ZFC3H1: variants seen among roughly 807,000 people sequenced by gnomAD.
ZFC3H1 encodes the protein zinc finger C3H1-type containing.
Under a neutral mutation model 243.7 loss-of-function variants are expected in ZFC3H1, and 71 were observed. The ratio of observed to expected loss-of-function variants is 0.29; its 90% confidence interval spans 0.24 to 0.36. ZFC3H1 has a LOEUF of 0.36. Among genes scored for constraint, ZFC3H1 ranks in the 10% least tolerant of loss-of-function variants. The probability of loss-of-function intolerance (pLI) is 1.00; values close to 1 mark genes in which losing one functional copy is unlikely to be tolerated. For missense variants in ZFC3H1, 1,966 were observed against 2,317.1 expected (o/e 0.85, Z 3.11); for synonymous variants, 838 against 813.0 (o/e 1.03, Z -0.52).
Position 71,628,925 on chromosome 12 carries a change from A to AAC in ZFC3H1, c.3938_3939insGT (p.Ile1313MetfsTer12). The AAC allele has an allele frequency of 6.3e-7, 1 of 1,591,726 alleles. No homozygotes were observed. Among genetic ancestry groups the AAC allele is most frequent in the Non-Finnish European group, 8.5e-7 (1 of 1,172,928 alleles). ...AATTACATAACTTCTTACCATACTT[A>AAC]ATTGGTCCTGTAGACTGTTCCTCAT... On this transcript the variant is annotated frameshift_variant, in exon 20 of 35. Coordinates refer to ENST00000378743, the MANE Select transcript of ZFC3H1 (RefSeq NM_144982.5). LOFTEE classifies it high-confidence loss of function.
At position 71,613,452 on chromosome 12, in the gene ZFC3H1, G is replaced by A. The variant is rs767685449; in HGVS notation, c.5527-17C>T. ...GAAAATAACCTGTAAAGGTTGAGGG[G>A]GGCGAAAAATGAATGCAACCAAAAT... On this transcript the variant is annotated splice_polypyrimidine_tract_variant and intron_variant, in intron 30 of 34. Transcript: ENST00000378743. 6 of 1,550,274 alleles carry A rather than the reference G, an allele frequency of 3.9e-6. No individual in the cohort carries two copies. Among genetic ancestry groups the A allele is most frequent in the Non-Finnish European group, 5.3e-6 (6 of 1,142,204 alleles).
chr12:71,622,222 C>G lies in ZFC3H1; in HGVS notation c.4744+1138G>C, dbSNP rs141731641. ...TCCTTCACAGGGTATTTAATAAGCA[C>G]TTAATAATTTGCCAGACATCCTTAC... On this transcript the variant is annotated intron_variant, in intron 24 of 34. Coordinates refer to ENST00000378743, the MANE Select transcript of ZFC3H1 (RefSeq NM_144982.5). Among the ~76,000 whole-genome samples the G allele has an allele frequency of 1.7e-3, 264 of 152,248 alleles. 2 individuals carry two copies. The highest frequency in any genetic ancestry group is 0.014 in the Middle Eastern group (4 of 294).
In ZFC3H1 at chr12:71,614,874, C is replaced by A. The variant is rs369111342; in HGVS notation, c.5320G>T (p.Val1774Leu). Residue 1774 changes from valine (V) to leucine (L), a missense_variant, in exon 29 of 35, where the codon GTG becomes TTG. Physicochemically the swap from Val to Leu is conservative, Grantham distance 32. Transcript: ENST00000378743. ...TGTACTATATCACATCTCATAGCCA[C>A]CCCTAATGCTGCCTCATATGCCTCC... is the stretch of plus-strand genomic sequence containing the variant. ...TVEAYEAALGVAMRCDIVQKI... is the reference protein window; with the variant it reads ...TVEAYEAALGLAMRCDIVQKI... The A allele has an allele frequency of 6.2e-7, 1 of 1,613,758 alleles. No individual in the cohort carries two copies. Among genetic ancestry groups the A allele is most frequent in the Admixed American group, 1.7e-5 (1 of 59,996 alleles).
chr12:71,656,188 T>C (rs974842447), intron 2 of ZFC3H1, among the ~76,000 whole-genome samples: 1 of 152,160 alleles, frequency 6.6e-6, no homozygotes, highest in Non-Finnish European at 1.5e-5. Context: ...GAATTCTGTA[T>C]CTTAATGGTA....
At chr12:71,640,329 G>GT (rs370440513) in intron 6 of ZFC3H1, among the ~76,000 whole-genome samples, 39 of 152,296 alleles carry the variant, frequency 2.6e-4, no homozygotes, top group South Asian at 8.3e-4. Flanking sequence ...AGCCATTCTT[G>GT]TTTTTTAACA....
chr12:71,660,814 G>C (rs1412868213), intron 1 of ZFC3H1, among the ~76,000 whole-genome samples: 2 of 151,622 alleles, frequency 1.3e-5, no homozygotes, highest in African/African-American at 4.8e-5. Flanking sequence ...TTTCATCTTT[G>C]TACCTTTAAA....
chr12:71,614,509 T>C (rs1219891917), intron 30 of ZFC3H1, 26 bp downstream of exon 30: 1 of 1,538,238 alleles, frequency 6.5e-7, no homozygotes, highest in African/African-American at 1.4e-5. Context: ...CACAAATATC[T>C]AAAGAAAAAA....
chr12:71,624,635 G>C (rs1245460564), intron 22 of ZFC3H1, among the ~76,000 whole-genome samples: 2 of 152,168 alleles, frequency 1.3e-5, no homozygotes, highest in Admixed American at 1.3e-4. Context: ...CATACAATTT[G>C]TGTTGCTTAG....
Position 71,620,205 on chromosome 12 carries a change from T to C in ZFC3H1, c.4850+5A>G, listed in dbSNP as rs1879991396. 2 of 1,614,022 alleles carry C rather than the reference T, an allele frequency of 1.2e-6. No homozygotes were observed. Among genetic ancestry groups the C allele is most frequent in the Non-Finnish European group, 1.7e-6 (2 of 1,180,024 alleles). On this transcript the variant is annotated splice_donor_5th_base_variant and intron_variant, in intron 25 of 34. Transcript: ENST00000378743. Reference sequence around the variant, plus strand: ...AAGGTTAGCTGCTTGGCAATTAAGTTGTACCTCTCCAGGAGTTGGTGCAGA... The same window carrying C: ...AAGGTTAGCTGCTTGGCAATTAAGTCGTACCTCTCCAGGAGTTGGTGCAGA...
intron 2 of ZFC3H1, 70 bp from the exon 3 acceptor site, chr12:71,647,883 A>G (rs549372661): frequency 5.1e-6 from 3 of 584,392 alleles, no homozygotes; most frequent in Admixed American, 4.0e-5. Context: ...ATAATCCTAT[A>G]TAATATCTGG....
At chr12:71,651,502 T>A (rs768427675) in intron 2 of ZFC3H1, among the ~76,000 whole-genome samples, 1 of 152,180 alleles carries the variant, frequency 6.6e-6, no homozygotes, top group Admixed American at 6.5e-5. Context: ...GAGCCTGGAA[T>A]AAAGTGCTCA....
rs375507585 is a variant in ZFC3H1 at position 71,662,996 on chromosome 12, C to T, written c.598+17G>A. 7 of 1,572,644 alleles carry T rather than the reference C, an allele frequency of 4.5e-6. No homozygotes were observed. Among genetic ancestry groups the T allele is most frequent in the Non-Finnish European group, 4.3e-6 (5 of 1,160,256 alleles). On this transcript the variant is annotated intron_variant, in intron 1 of 34. Coordinates refer to ENST00000378743, the MANE Select transcript of ZFC3H1 (RefSeq NM_144982.5). ...CTTTAGTGACACACCCAGCGCCGAC[C>T]GCCACGTTAAGGATACAGCTCTTCC...
chr12:71,645,192 C>G lies in ZFC3H1; in HGVS notation c.1081-117G>C, dbSNP rs1162841467. On this transcript the variant is annotated intron_variant, in intron 3 of 34. Transcript: ENST00000378743. The stretch of plus-strand genomic sequence containing the variant: ...AAGTGTGAAGGCAAATATGACAAGG[C>G]AAATACAGATAAAATAAGTAAACTA... 5.7e-6 allele frequency: 5 copies of G among 883,580 alleles called. No homozygotes were observed. The East Asian group carries it at 1.3e-4, about 24-fold the overall frequency. 54.7% of individuals were successfully genotyped at this position (883,580 alleles called of 1,614,324 possible). A position where few individuals can be genotyped will look rare whatever the true frequency, so the allele number is the denominator to read the frequency against.
At position 71,610,370 on chromosome 12, in the gene ZFC3H1, A is replaced by C; in HGVS notation, c.*58T>G. The C allele has an allele frequency of 6.3e-7, 1 of 1,575,978 alleles. No homozygotes were observed. The highest frequency in any genetic ancestry group is 8.6e-7 in the Non-Finnish European group (1 of 1,159,604). Reference sequence around the variant, plus strand: ...CCAGGGATCAGCCTAATCTTGAAGAATCATTCAAATAATTTTGGCAATTAT... The same window carrying C: ...CCAGGGATCAGCCTAATCTTGAAGACTCATTCAAATAATTTTGGCAATTAT... On this transcript the variant is annotated 3_prime_UTR_variant, in exon 35 of 35. Transcript: ENST00000378743.
intron 1 of ZFC3H1, among the ~76,000 whole-genome samples, chr12:71,662,114 G>A (rs1881194024): frequency 6.6e-6 from 1 of 152,210 alleles, no homozygotes; most frequent in Non-Finnish European, 1.5e-5. Flanking sequence ...TCAAGATAGT[G>A]TTTTACAAAC....
chr12:71,631,904 T>C lies in ZFC3H1; in HGVS notation c.3361-17A>G. On this transcript the variant is annotated splice_polypyrimidine_tract_variant and intron_variant, in intron 15 of 34. Coordinates refer to ENST00000378743, the MANE Select transcript of ZFC3H1 (RefSeq NM_144982.5). ...AGAAATCTCCTGCAAAAGAAAATAA[T>C]AATTCTGTAAGGCAAATAAGGCTGG... 6.2e-7 allele frequency: 1 copy of C among 1,608,704 alleles called. No individual in the cohort carries two copies. The highest frequency in any genetic ancestry group is 8.5e-7 in the Non-Finnish European group (1 of 1,178,466).
Position 71,626,209 on chromosome 12 carries a change from T to TACACACACACAC in ZFC3H1, c.4317+39_4317+50dup, listed in dbSNP as rs55719302. On this transcript the variant is annotated intron_variant, in intron 22 of 34. Transcript: ENST00000378743. ...ATTTTTAAGATGATCCAAATAATTA[T>TACACACACACAC]ACACACACACACACACACACACACA... 1.3e-3 allele frequency: 1,436 copies of TACACACACACAC among 1,089,488 alleles called. 11 individuals carry two copies. In the African/African-American group the frequency reaches 0.019, roughly 14 times the overall value. 67.5% of individuals were successfully genotyped at this position (1,089,488 alleles called of 1,614,324 possible).
chr12:71,627,856 T>A lies in ZFC3H1; in HGVS notation c.4025A>T (p.Asn1342Ile). Residue 1342 changes from asparagine (N) to isoleucine (I), a missense_variant, in exon 21 of 35, where the codon AAT becomes ATT. By Grantham distance (149) the Asn-to-Ile change is moderately radical. This residue lies in a region of ZFC3H1 where 1,383 missense variants were observed against 1,723.7 expected (regional missense o/e 0.80). Coordinates refer to ENST00000378743, the MANE Select transcript of ZFC3H1 (RefSeq NM_144982.5). Reference sequence around the variant, plus strand: ...TAAATTAGCGATGTCATCAGTCTCATTTGTAAAGTATCTGACATCATCTGG... The same window carrying A: ...TAAATTAGCGATGTCATCAGTCTCAATTGTAAAGTATCTGACATCATCTGG... ...VTPDDVRYFT[N>I]ETDDIANLEA... The A allele has an allele frequency of 6.2e-7, 1 of 1,613,900 alleles. No individual in the cohort carries two copies. The highest frequency in any genetic ancestry group is 8.5e-7 in the Non-Finnish European group (1 of 1,179,902).
chr12:71,644,911 T>C lies in ZFC3H1; in HGVS notation c.1245A>G (p.Thr415=), dbSNP rs1225721731. Residue 415 remains threonine (T), a synonymous_variant, in exon 4 of 35, where the codon ACA becomes ACG. Coordinates refer to ENST00000378743, the MANE Select transcript of ZFC3H1 (RefSeq NM_144982.5). ...KTVQQKVKTS[T]KTHSAKKVST... ...TAACTTTTTTGGCCGAATGTGTTTT[T>C]GTACTTGTTTTAACTTTTTGCTGTA... 3 of 1,612,272 alleles carry C rather than the reference T, an allele frequency of 1.9e-6. No homozygotes were observed. Among genetic ancestry groups the C allele is most frequent in the Non-Finnish European group, 8.5e-7 (1 of 1,179,988 alleles).
Sources: allele counts gnomAD v4.1 joint callset (sites outside exome capture counted in the v4.1 genomes callset), GRCh38; gene constraint gnomAD v4.1.1; regional missense constraint gnomAD v4.1.1; transcripts MANE v1.5; gene names NCBI Gene and HGNC (gene_info 2026-07-23, HGNC 2026-07-21).